PRIM2: variants seen among roughly 807,000 people sequenced by gnomAD.
PRIM2 encodes the protein DNA primase large subunit.
In PRIM2, 39 loss-of-function variants were observed where a neutral mutation model predicts 67.3. The observed-to-expected ratio is 0.58, with a 90% CI of 0.45 to 0.76. The LOEUF is 0.76. PRIM2 is among the 30% of genes least tolerant of loss of function. The pLI is 0.00. For synonymous variants in PRIM2, 143 were observed against 198.7 expected, an observed-to-expected ratio of 0.72 and a Z score of 2.36; for missense variants, 398 against 598.7, an observed-to-expected ratio of 0.66 and a Z score of 3.50.
intron 7 of PRIM2, among the ~76,000 whole-genome samples, chr6:57,448,825 A>G (rs1328538551): frequency 6.6e-6 from 1 of 152,178 alleles, no homozygotes; most frequent in East Asian, 1.9e-4. Context: ...ATTAGGTCCT[A>G]TTTATAATTT....
chr6:57,331,189 GAA>G (rs147300105), intron 5 of PRIM2, among the ~76,000 whole-genome samples: 3 of 98,464 alleles, frequency 3.0e-5, no homozygotes. Flanking sequence ...CTTTGTCTCA[GAA>G]AAAAAAAAAA....
At chr6:57,286,839 A>G in the PRIM2 span, among the ~76,000 whole-genome samples, 1 of 152,232 alleles carries the variant, frequency 6.6e-6, no homozygotes. Flanking sequence ...GAATGGGAGA[A>G]AAGTTTTGCA....
At chr6:57,547,361 A>G (rs1283903968) in intron 10 of PRIM2, among the ~76,000 whole-genome samples, 100 of 152,204 alleles carry the variant, frequency 6.6e-4, no homozygotes, top group African/African-American at 2.4e-3. Context: ...CATAGTACCC[A>G]ATAGGTAGTT....
At chr6:57,266,060 TAA>T in the PRIM2 span, among the ~76,000 whole-genome samples, 1 of 152,176 alleles carries the variant, frequency 6.6e-6, no homozygotes. Context: ...GGGCTATTTA[TAA>T]AGAGCTTGAA....
intron 10 of PRIM2, among the ~76,000 whole-genome samples, chr6:57,569,963 C>T (rs1562793868): frequency 6.6e-6 from 1 of 151,986 alleles, no homozygotes; most frequent in Non-Finnish European, 1.5e-5. Context: ...AGGATGGTCT[C>T]GATCTCTTGA....
chr6:57,527,857 T>A (rs1774792873), intron 8 of PRIM2, among the ~76,000 whole-genome samples: 1 of 152,222 alleles, frequency 6.6e-6, no homozygotes, highest in African/African-American at 2.4e-5. Flanking sequence ...TTCTGATACT[T>A]AACATCCTCA....
intron 10 of PRIM2, among the ~76,000 whole-genome samples, chr6:57,563,817 T>G (rs1775685735): frequency 6.6e-6 from 1 of 152,158 alleles, no homozygotes; most frequent in African/African-American, 2.4e-5. Flanking sequence ...CACGCCACCA[T>G]GCCTGGCTAA....
intron 12 of PRIM2, among the ~76,000 whole-genome samples, chr6:57,626,571 A>G (rs1202005338): frequency 2.0e-5 from 3 of 152,008 alleles, no homozygotes; most frequent in Non-Finnish European, 4.4e-5. Flanking sequence ...AGTATAATTA[A>G]TGCTTTCAGC....
intron 12 of PRIM2, among the ~76,000 whole-genome samples, chr6:57,617,553 C>G (rs1246047615): frequency 6.6e-6 from 1 of 152,150 alleles, no homozygotes; most frequent in African/African-American, 2.4e-5. Context: ...ATTTGTACAT[C>G]TTCTTTGAAG....
At chr6:57,587,967 G>A (rs1396286521) in intron 10 of PRIM2, among the ~76,000 whole-genome samples, 1 of 152,144 alleles carries the variant, frequency 6.6e-6, no homozygotes, top group Non-Finnish European at 1.5e-5. Context: ...GGGGAATCCT[G>A]GGGAGAGGCT....
intron 2 of PRIM2, among the ~76,000 whole-genome samples, chr6:57,319,429 T>A (rs1051461230): frequency 1.3e-5 from 2 of 152,202 alleles, no homozygotes; most frequent in African/African-American, 4.8e-5. Context: ...AGGAGCAGGG[T>A]AAGCACTGCT....
At chr6:57,501,279 T>C (rs1774124789) in intron 7 of PRIM2, among the ~76,000 whole-genome samples, 1 of 152,180 alleles carries the variant, frequency 6.6e-6, no homozygotes, top group Non-Finnish European at 1.5e-5. Context: ...ATTTACCTTA[T>C]AATTACTATT....
rs1158188964 is a variant in PRIM2 at position 57,474,173 on chromosome 6, C to CTTTTTT, written c.694-33189_694-33184dup. On this transcript the variant is annotated intron_variant, in intron 7 of 13. Transcript: ENST00000615550. ...TCTACTTTTTCTGCAATTCTGCTAT[C>CTTTTTT]TTTTTTTTTTTTTTTTTTTTTTTTT... Among the ~76,000 whole-genome samples, 71 of 63,974 alleles carry CTTTTTT rather than the reference C, an allele frequency of 1.1e-3. 11 individuals carry two copies. Among genetic ancestry groups the CTTTTTT allele is most frequent in the African/African-American group, 2.3e-3 (35 of 15,212 alleles). 42.0% of individuals were successfully genotyped at this position (63,974 alleles called of 152,430 possible).
At chr6:57,488,179 A>G (rs1773797258) in intron 7 of PRIM2, among the ~76,000 whole-genome samples, 1 of 152,204 alleles carries the variant, frequency 6.6e-6, no homozygotes, top group Admixed American at 6.5e-5. Flanking sequence ...TTTTATTTAT[A>G]TTAAAATCCC....
At chr6:57,339,011 A>G (rs1346437184) in intron 5 of PRIM2, among the ~76,000 whole-genome samples, 2 of 152,234 alleles carry the variant, frequency 1.3e-5, no homozygotes, top group African/African-American at 2.4e-5. Context: ...GCAAAGTCTC[A>G]GGATACAAAA....
chr6:57,390,931 T>C (rs1770322194), intron 7 of PRIM2, among the ~76,000 whole-genome samples: 2 of 152,210 alleles, frequency 1.3e-5, no homozygotes, highest in Non-Finnish European at 1.5e-5. Flanking sequence ...TGAATGATAG[T>C]TCTGCTTTTA....
chr6:57,446,093 G>A lies in PRIM2; in HGVS notation c.694-61294G>A, dbSNP rs559512928. 2.4e-3 allele frequency among the ~76,000 whole-genome samples: 360 copies of A among 152,316 alleles called. 1 individual carries two copies. Among genetic ancestry groups the A allele is most frequent in the Non-Finnish European group, 4.3e-3 (295 of 68,034 alleles). The stretch of plus-strand genomic sequence containing the variant: ...ATTTCTTGGTAATTCACTCTGAGGA[G>A]TAAATACTTCCTCAGAGCCAGGGGA... On this transcript the variant is annotated intron_variant, in intron 7 of 13. Transcript: ENST00000615550.
chr6:57,636,862 A>T (rs1276586894), intron 13 of PRIM2, among the ~76,000 whole-genome samples: 2 of 152,210 alleles, frequency 1.3e-5, no homozygotes, highest in Non-Finnish European at 2.9e-5. Flanking sequence ...CTTGCCTGCC[A>T]GCTCTAAAGA....
chr6:57,411,013 T>A (rs1442322701), intron 7 of PRIM2, among the ~76,000 whole-genome samples: 28 of 152,168 alleles, frequency 1.8e-4, no homozygotes, highest in African/African-American at 6.7e-4. Context: ...AAGCTGGAGA[T>A]GGGGCCTGGT....
Sources: allele counts gnomAD v4.1 joint callset (sites outside exome capture counted in the v4.1 genomes callset), GRCh38; gene constraint gnomAD v4.1.1; transcripts MANE v1.5; gene names NCBI Gene and HGNC (gene_info 2026-07-23, HGNC 2026-07-21).